Variants in ZNF567 observed in about 807,000 individuals in gnomAD.
ZNF567 encodes the protein zinc finger protein 567.
ZNF567 carries 36 observed loss-of-function variants against 53.9 expected under a neutral mutation model. That is an observed-to-expected ratio of 0.67 (90% CI 0.51 to 0.88). ZNF567 has a LOEUF of 0.88. Ranked by LOEUF, ZNF567 falls within the 40% of genes least tolerant of loss-of-function variation. The pLI is 0.00. For synonymous variants in ZNF567, 224 were observed against 260.4 expected (o/e 0.86, Z 1.35); for missense variants, 619 against 764.7 (o/e 0.81, Z 2.25).
chr19:36,715,478 AAATAATAAT>A (rs200738092), intron 5 of ZNF567, among the ~76,000 whole-genome samples: 35 of 120,432 alleles, frequency 2.9e-4, no homozygotes, highest in African/African-American at 8.9e-4. Context: ...ATTTAACTCA[AAATAATAAT>A]AATAATAATA....
chr19:36,694,770 T>A, intron 2 of ZNF567, 32 bp from the exon 3 acceptor site: 1 of 1,206,362 alleles, frequency 8.3e-7, no homozygotes, highest in South Asian at 1.4e-5. Flanking sequence ...TGGTCTCATG[T>A]GGCTTTTTTT....
At chr19:36,726,132 T>G (rs913114648), downstream of ZNF567, among the ~76,000 whole-genome samples, 2 of 152,218 alleles carry the variant, frequency 1.3e-5, no homozygotes, top group African/African-American at 4.8e-5. Context: ...TTGGTTATTT[T>G]GTATGTCTTC....
intron 3 of ZNF567, among the ~76,000 whole-genome samples, chr19:36,699,353 C>T (rs1025343933): frequency 2.0e-4 from 30 of 152,096 alleles, no homozygotes; most frequent in Non-Finnish European, 3.5e-4. Flanking sequence ...AGTCAGGTAG[C>T]GTGATGCCTC....
downstream of ZNF567, among the ~76,000 whole-genome samples, chr19:36,726,739 T>C (rs1568725508): frequency 6.6e-6 from 1 of 152,202 alleles, no homozygotes. Context: ...AGTATCTTTT[T>C]ACTGCTGCAT....
downstream of ZNF567, chr19:36,727,011 C>CTTTCTTTCTTTCCTT (rs1555809310): frequency 4.1e-5 from 1 of 24,334 alleles, no homozygotes; most frequent in South Asian, 1.2e-3. Flanking sequence ...TCTTTCTTTC[C>CTTTCTTTCTTTCCTT]TTTTTTTTTT....
chr19:36,716,919 G>A (rs529761684), intron 5 of ZNF567, among the ~76,000 whole-genome samples: 27 of 152,188 alleles, frequency 1.8e-4, no homozygotes, highest in African/African-American at 5.3e-4. Flanking sequence ...TCTGCCTTCC[G>A]GGTTCAAGTA....
At chr19:36,692,753 A>G (rs2038683803) in intron 2 of ZNF567, among the ~76,000 whole-genome samples, 1 of 152,170 alleles carries the variant, frequency 6.6e-6, no homozygotes, top group African/African-American at 2.4e-5. Context: ...TGAAAGGTGA[A>G]TGAGACCTCT....
chr19:36,711,630 C>T (rs1339373586), intron 3 of ZNF567: 1 of 152,228 alleles, frequency 6.6e-6, no homozygotes, highest in East Asian at 1.9e-4. Context: ...TCTCACCATG[C>T]ACATACAATA....
At chr19:36,716,823 T>C (rs1048924852) in intron 5 of ZNF567, among the ~76,000 whole-genome samples, 2 of 152,174 alleles carry the variant, frequency 1.3e-5, no homozygotes, top group Non-Finnish European at 2.9e-5. Flanking sequence ...TATGCAGTGA[T>C]CATGTAAAAT....
chr19:36,715,804 C>T (rs531841492), intron 5 of ZNF567, among the ~76,000 whole-genome samples: 86 of 152,202 alleles, frequency 5.7e-4, no homozygotes, highest in Admixed American at 5.2e-4. Flanking sequence ...GCTGGGATTA[C>T]AGGCCTGAGC....
chr19:36,721,734 TTTTTTTTTTC>T (rs1483389256), downstream of ZNF567, among the ~76,000 whole-genome samples: 5 of 20,656 alleles, frequency 2.4e-4, no homozygotes, highest in East Asian at 2.3e-3. Flanking sequence ...ACCAGAGTCT[TTTTTTTTTTC>T]TTTTTTTTTT....
downstream of ZNF567, chr19:36,727,379 G>A (rs1288527357): frequency 1.5e-5 from 2 of 137,792 alleles, no homozygotes; most frequent in Admixed American, 1.6e-4. Context: ...GCCAAGTAGA[G>A]CAATTTTTTT....
downstream of ZNF567, among the ~76,000 whole-genome samples, chr19:36,725,363 C>T (rs576497831): frequency 9.2e-5 from 14 of 151,994 alleles, no homozygotes; most frequent in East Asian, 5.8e-4. Flanking sequence ...CCACCACACC[C>T]GGCTAATTTT....
intron 2 of ZNF567, among the ~76,000 whole-genome samples, chr19:36,693,465 A>G (rs2039747027): frequency 4.6e-5 from 7 of 152,178 alleles, no homozygotes; most frequent in Admixed American, 4.6e-4. Flanking sequence ...CTCAAAAATA[A>G]AATAAAAATA....
At chr19:36,695,127 G>A (rs1165085364) in intron 3 of ZNF567, among the ~76,000 whole-genome samples, 1 of 151,386 alleles carries the variant, frequency 6.6e-6, no homozygotes, top group East Asian at 1.9e-4. Context: ...ACAGCACTTC[G>A]CTCCCAGCAC....
chr19:36,692,095 T>C (rs904409911), intron 2 of ZNF567, among the ~76,000 whole-genome samples: 3 of 152,250 alleles, frequency 2.0e-5, no homozygotes, highest in African/African-American at 7.2e-5. Context: ...GAGGTGGTTA[T>C]GAATAAAACT....
chr19:36,722,740 G>C (rs949084651), downstream of ZNF567, among the ~76,000 whole-genome samples: 10 of 152,204 alleles, frequency 6.6e-5, no homozygotes, highest in African/African-American at 2.4e-4. Context: ...TTGCCAATCA[G>C]TAGTAAATGG....
chr19:36,714,242 A>G (rs1476133158), intron 5 of ZNF567: 6 of 283,296 alleles, frequency 2.1e-5, no homozygotes, highest in Admixed American at 1.6e-4. Flanking sequence ...GCTCACTGCA[A>G]CCTCCGCCTC....
At chr19:36,712,669 C>T (rs2039850190) in intron 4 of ZNF567, 112 bp from the exon 5 acceptor site, 1 of 1,379,110 alleles carries the variant, frequency 7.3e-7, no homozygotes. Context: ...AAGGTGCTAC[C>T]TATATTGTTA....
Sources: allele counts gnomAD v4.1 joint callset (sites outside exome capture counted in the v4.1 genomes callset), GRCh38; gene constraint gnomAD v4.1.1; transcripts MANE v1.5; gene names NCBI Gene and HGNC (gene_info 2026-07-23, HGNC 2026-07-21).